Variants in UHRF1 observed in about 807,000 individuals in gnomAD.
UHRF1 encodes ubiquitin like with PHD and ring finger domains 1, also known as E3 ubiquitin-protein ligase UHRF1.
In UHRF1, 9 loss-of-function variants were observed where a neutral mutation model predicts 96.5. The ratio of observed to expected loss-of-function variants is 0.09; its 90% confidence interval spans 0.06 to 0.16. The LOEUF is 0.16. UHRF1 is among the 10% of genes least tolerant of loss of function. The pLI is 1.00. For missense variants in UHRF1, 626 were observed against 1,131.1 expected (o/e 0.55, Z 6.40); for synonymous variants, 455 against 469.9 (o/e 0.97, Z 0.41).
chr19:4,954,001 G>A lies in UHRF1; in HGVS notation c.1819-349G>A, dbSNP rs2033786618. Among the ~76,000 whole-genome samples the A allele has an allele frequency of 1.3e-5, 2 of 152,068 alleles. No individual in the cohort carries two copies. Among genetic ancestry groups the A allele is most frequent in the South Asian group, 2.1e-4 (1 of 4,832 alleles). ...GGGAAGGTTCACATCCCTGTGGGAC[G>A]ATGCAATGTTTCATCATGCAGTGTG... On this transcript the variant is annotated intron_variant, in intron 13 of 16. Coordinates refer to ENST00000650932, the MANE Select transcript of UHRF1 (RefSeq NM_001048201.3). The surrounding 1 kb of genome is among the most constrained non-coding windows in gnomAD (Gnocchi z 5.9).
intron 13 of UHRF1, among the ~76,000 whole-genome samples, chr19:4,953,639 A>AT (rs1164336356): frequency 2.0e-5 from 3 of 151,866 alleles, no homozygotes; most frequent in Admixed American, 6.6e-5. Flanking sequence ...AATTTTTTAA[A>AT]TTTTTTTGTA....
At chr19:4,950,261 T>C (rs1474184323) in intron 11 of UHRF1, among the ~76,000 whole-genome samples, 1 of 150,098 alleles carries the variant, frequency 6.7e-6, no homozygotes, top group Non-Finnish European at 1.5e-5. Context: ...TTTTTTTTTT[T>C]GAGACAGAAC....
chr19:4,948,336 A>AACC (rs1224376957), intron 11 of UHRF1, among the ~76,000 whole-genome samples: 2 of 152,154 alleles, frequency 1.3e-5, no homozygotes, highest in Non-Finnish European at 2.9e-5. Context: ...CCAGCATAAA[A>AACC]ACCATCATAA....
At chr19:4,925,161 C>T (rs971072155) in intron 2 of UHRF1, among the ~76,000 whole-genome samples, 2 of 151,984 alleles carry the variant, frequency 1.3e-5, no homozygotes, top group African/African-American at 4.8e-5. Context: ...TTATTATATC[C>T]CTGCAGTTCA....
rs906148195 is a variant in UHRF1 at position 4,917,078 on chromosome 19, G to T, written c.153+6040G>T. Among the ~76,000 whole-genome samples the T allele has an allele frequency of 5.3e-5, 8 of 151,708 alleles. No individual in the cohort carries two copies. In the East Asian group the frequency reaches 5.8e-4, roughly 11 times the overall value. ...GGAAGTGGGCAGCTCGGTGGGGGGG[G>T]GGGGTGCAGTGAGCTTTTAGTCTTA... On this transcript the variant is annotated intron_variant, in intron 2 of 16. Coordinates refer to ENST00000650932, the MANE Select transcript of UHRF1 (RefSeq NM_001048201.3).
intron 16 of UHRF1, among the ~76,000 whole-genome samples, chr19:4,957,957 C>G (rs527845091): frequency 7.9e-5 from 12 of 152,374 alleles, no homozygotes; most frequent in Middle Eastern, 3.4e-3. Flanking sequence ...CGGATCTCCC[C>G]AGGCTTCTGA....
chr19:4,920,818 C>T (rs1019849737), intron 2 of UHRF1, among the ~76,000 whole-genome samples: 1 of 152,076 alleles, frequency 6.6e-6, no homozygotes, highest in African/African-American at 2.4e-5. Context: ...GCTCATGGAT[C>T]ACACAGATAG....
chr19:4,916,956 A>G (rs1415281437), intron 2 of UHRF1, among the ~76,000 whole-genome samples: 1 of 151,504 alleles, frequency 6.6e-6, no homozygotes, highest in East Asian at 1.9e-4. Flanking sequence ...TTGGAGAACC[A>G]CTGCTCCCCA....
At chr19:4,915,516 A>G (rs2032461425) in intron 2 of UHRF1, among the ~76,000 whole-genome samples, 1 of 152,140 alleles carries the variant, frequency 6.6e-6, no homozygotes, top group Non-Finnish European at 1.5e-5. Flanking sequence ...GAGTTCTAGA[A>G]CAGCGTGCCA....
intron 2 of UHRF1, 87 bp downstream of exon 2, chr19:4,911,125 C>G: frequency 7.7e-7 from 1 of 1,302,196 alleles, no homozygotes; most frequent in Non-Finnish European, 1.0e-6. Context: ...TCCCTCCCAC[C>G]TCCCCCCCCA....
chr19:4,930,861 A>G lies in UHRF1; in HGVS notation c.554A>G (p.His185Arg). 6.2e-7 allele frequency: 1 copy of G among 1,613,852 alleles called. No homozygotes were observed. The highest frequency in any genetic ancestry group is 8.5e-7 in the Non-Finnish European group (1 of 1,179,844). The change falls in exon 4 of 17, where the codon CAC (histidine) becomes CGC (arginine). Residue 185 changes from histidine to arginine, a missense_variant. By Grantham distance (29) the His-to-Arg change is conservative. This residue lies in a region of UHRF1 where 198 missense variants were observed against 235.1 expected (regional missense o/e 0.84). Coordinates refer to ENST00000650932, the MANE Select transcript of UHRF1 (RefSeq NM_001048201.3). The surrounding 1 kb of genome is among the most constrained non-coding windows in gnomAD (Gnocchi z 4.4). ...RPALEEDVIYHVKYDDYPENG... is the reference protein window; with the variant it reads ...RPALEEDVIYRVKYDDYPENG... ...GCGCTGGAGGAGGACGTCATTTACC[A>G]CGTGAAATACGACGAGTGAGTCATG... is the stretch of plus-strand genomic sequence containing the variant.
At chr19:4,931,498 T>C (rs1025598822) in intron 4 of UHRF1, among the ~76,000 whole-genome samples, 2 of 152,072 alleles carry the variant, frequency 1.3e-5, no homozygotes, top group African/African-American at 4.8e-5. Context: ...GACAGAGTCT[T>C]ACTCTGTCAC....
At chr19:4,956,950 T>G (rs1236369814) in intron 16 of UHRF1, 137 bp downstream of exon 16, 1 of 679,170 alleles carries the variant, frequency 1.5e-6, no homozygotes, top group Non-Finnish European at 2.6e-6. Flanking sequence ...CTCGGGGCCC[T>G]GTTGACTGCT....
Position 4,960,887 on chromosome 19 carries a change from T to C in UHRF1, c.*84T>C. On this transcript the variant is annotated 3_prime_UTR_variant, in exon 17 of 17. Coordinates refer to ENST00000650932, the MANE Select transcript of UHRF1 (RefSeq NM_001048201.3). ...GGCACTGATTTTGTTCTTAGTGGGC[T>C]TAACTTAAACAGGTAGTGTTTCCTC... 2 of 738,994 alleles carry C rather than the reference T, an allele frequency of 2.7e-6. No homozygotes were observed. Among genetic ancestry groups the C allele is most frequent in the Admixed American group, 2.6e-5 (1 of 38,400 alleles). The allele number at this position is 738,994 out of a possible 1,614,324, so 45.8% of individuals were successfully genotyped here. A position where few individuals can be genotyped will look rare whatever the true frequency, so the allele number is the denominator to read the frequency against.
At chr19:4,947,051 T>TC (rs1491495117) in intron 10 of UHRF1, 54 bp from the exon 11 acceptor site, 2 of 220,340 alleles carry the variant, frequency 9.1e-6, no homozygotes, top group African/African-American at 2.5e-5. Context: ...ATGCAGTCTC[T>TC]TTTTTTTTTT....
At chr19:4,925,631 C>T (rs892626774) in intron 2 of UHRF1, among the ~76,000 whole-genome samples, 3 of 152,074 alleles carry the variant, frequency 2.0e-5, no homozygotes, top group African/African-American at 7.2e-5. Context: ...AAGCAATTCT[C>T]CTGCCTCAGC....
At chr19:4,927,103 G>A (rs1212952955) in intron 2 of UHRF1, among the ~76,000 whole-genome samples, 2 of 151,818 alleles carry the variant, frequency 1.3e-5, no homozygotes, top group South Asian at 2.1e-4. Flanking sequence ...AAAACAGGCC[G>A]GGTACTGTGG....
intron 11 of UHRF1, among the ~76,000 whole-genome samples, chr19:4,949,292 A>T (rs1352051900): frequency 6.6e-6 from 1 of 152,202 alleles, no homozygotes; most frequent in African/African-American, 2.4e-5. Flanking sequence ...TGTTGGTAGA[A>T]ATACAAATTG....
In UHRF1 at chr19:4,947,490, C is replaced by CTTTTTTTTTTTTTTTTTTTTTTTT; in HGVS notation, c.1517+285_1517+308dup. The stretch of plus-strand genomic sequence containing the variant: ...CTATAAAAGGCCAGATAATAGATAT[C>CTTTTTTTTTTTTTTTTTTTTTTTT]TTTTTTTTTTTTTTTTTTTTTTTTT... On this transcript the variant is annotated intron_variant, in intron 11 of 16. Transcript: ENST00000650932. Among the ~76,000 whole-genome samples the CTTTTTTTTTTTTTTTTTTTTTTTT allele has an allele frequency of 3.5e-5, 2 of 57,860 alleles. 1 individual carries two copies. The highest frequency in any genetic ancestry group is 6.2e-5 in the Non-Finnish European group (2 of 32,214). The allele number at this position is 57,860 out of a possible 152,430, so 38.0% of individuals were successfully genotyped here. A position where few individuals can be genotyped will look rare whatever the true frequency, so the allele number is the denominator to read the frequency against.
Sources: allele counts gnomAD v4.1 joint callset (sites outside exome capture counted in the v4.1 genomes callset), GRCh38; gene constraint gnomAD v4.1.1; regional missense constraint gnomAD v4.1.1; non-coding constraint Gnocchi (gnomAD v3.1); transcripts MANE v1.5; gene names NCBI Gene and HGNC (gene_info 2026-07-23, HGNC 2026-07-21).